SGIP1: variants seen among roughly 807,000 people sequenced by gnomAD.
SGIP1 encodes the protein SH3-containing GRB2-like protein 3-interacting protein 1.
In SGIP1, 38 loss-of-function variants were observed where a neutral mutation model predicts 107.5. The ratio of observed to expected loss-of-function variants is 0.35; its 90% CI spans 0.27 to 0.46. SGIP1 has a LOEUF of 0.46. Ranked by LOEUF, SGIP1 falls within the 20% of genes least tolerant of loss-of-function variation. SGIP1 has a pLI of 1.00. For missense variants in SGIP1, 929 were observed against 1,019.5 expected, an observed-to-expected ratio of 0.91 and a Z score of 1.21; for synonymous variants, 365 against 366.1, an observed-to-expected ratio of 1.00 and a Z score of 0.03.
intron 1 of SGIP1, among the ~76,000 whole-genome samples, chr1:66,560,003 G>T (rs1383106730): frequency 2.6e-5 from 4 of 151,992 alleles, no homozygotes; most frequent in Admixed American, 2.6e-4. Flanking sequence ...TAGGTACTAA[G>T]TTGGCAAATT....
chr1:66,590,924 C>T (rs1213569989), intron 1 of SGIP1, among the ~76,000 whole-genome samples: 1 of 152,210 alleles, frequency 6.6e-6, no homozygotes, highest in Non-Finnish European at 1.5e-5. Context: ...CATTTTCTTT[C>T]TGTAGCCCAG....
intron 18 of SGIP1, among the ~76,000 whole-genome samples, chr1:66,702,684 C>T (rs1012237913): frequency 1.3e-5 from 2 of 152,154 alleles, no homozygotes; most frequent in African/African-American, 4.8e-5. Flanking sequence ...TACTTAGAAG[C>T]TTCTTGTATC....
chr1:66,684,672 G>GTGGCTT (rs2087759627), intron 15 of SGIP1, among the ~76,000 whole-genome samples: 3 of 152,164 alleles, frequency 2.0e-5, no homozygotes, highest in African/African-American at 7.2e-5. Flanking sequence ...GAGAGGACAG[G>GTGGCTT]TGGCTTTGGT....
intron 1 of SGIP1, among the ~76,000 whole-genome samples, chr1:66,573,205 T>C (rs535618628): frequency 6.6e-6 from 1 of 152,210 alleles, no homozygotes; most frequent in South Asian, 2.1e-4. Context: ...ATATGAATTA[T>C]TTCTTAATAA....
intron 18 of SGIP1, among the ~76,000 whole-genome samples, chr1:66,715,733 C>T (rs2093201233): frequency 6.6e-6 from 1 of 152,122 alleles, no homozygotes; most frequent in Non-Finnish European, 1.5e-5. Flanking sequence ...TGATGATCAA[C>T]TAAAACCTCC....
At chr1:66,700,361 A>C (rs77868560) in intron 18 of SGIP1, among the ~76,000 whole-genome samples, 2 of 119,508 alleles carry the variant, frequency 1.7e-5, no homozygotes, top group Middle Eastern at 5.3e-3. Flanking sequence ...ACAGGGTGAG[A>C]CTCCATCTCA....
chr1:66,635,983 G>A lies in SGIP1; in HGVS notation c.139G>A (p.Glu47Lys). The A allele has an allele frequency of 6.2e-7, 1 of 1,613,908 alleles. No individual in the cohort carries two copies. The highest frequency in any genetic ancestry group is 1.3e-5 in the African/African-American group (1 of 75,040). ...PHEPPYNSKA[E>K]CAREGGKKVS... Reference sequence around the variant, plus strand: ...CGAACCACCCTACAATAGCAAAGCAGAGTGTGCGCGTGAAGGAGGAAAAAA... The same window carrying A: ...CGAACCACCCTACAATAGCAAAGCAAAGTGTGCGCGTGAAGGAGGAAAAAA... The change falls in exon 4 of 25, where the codon GAG (glutamate) becomes AAG (lysine). Residue 47 changes from glutamate (E) to lysine (K), a missense_variant. By Grantham distance (56) the Glu-to-Lys change is moderately conservative. Around this residue, in one of 2 missense-constraint regions of SGIP1, gnomAD observed 588 missense variants for 588.6 expected, o/e 1.00. Transcript: ENST00000371037.
chr1:66,614,633 T>C (rs982432742), intron 1 of SGIP1, among the ~76,000 whole-genome samples: 8 of 152,126 alleles, frequency 5.3e-5, no homozygotes, highest in Non-Finnish European at 8.8e-5. Flanking sequence ...TTAAACCATT[T>C]ATATCCCTTT....
chr1:66,708,525 T>A (rs1485621018), intron 18 of SGIP1, among the ~76,000 whole-genome samples: 2 of 152,202 alleles, frequency 1.3e-5, no homozygotes, highest in Non-Finnish European at 2.9e-5. Flanking sequence ...GACTTTGTCT[T>A]CTGTCTTATG....
intron 1 of SGIP1, among the ~76,000 whole-genome samples, chr1:66,562,119 T>A (rs1347257487): frequency 6.6e-6 from 1 of 151,938 alleles, no homozygotes; most frequent in African/African-American, 2.4e-5. Flanking sequence ...CTGGCTTTCA[T>A]TCACTGACAT....
intron 18 of SGIP1, among the ~76,000 whole-genome samples, chr1:66,718,446 A>G (rs150609508): frequency 6.6e-6 from 1 of 152,224 alleles, no homozygotes; most frequent in East Asian, 1.9e-4. Context: ...TTATAGGGAG[A>G]TAAACCTAGG....
intron 1 of SGIP1, among the ~76,000 whole-genome samples, chr1:66,564,785 T>C (rs1380923313): frequency 1.3e-5 from 2 of 151,824 alleles, no homozygotes; most frequent in Non-Finnish European, 2.9e-5. Context: ...GCTTTTAGGG[T>C]AGTTACTTCA....
intron 9 of SGIP1, among the ~76,000 whole-genome samples, chr1:66,667,975 G>A (rs1396795566): frequency 6.6e-6 from 1 of 152,144 alleles, no homozygotes; most frequent in African/African-American, 2.4e-5. Context: ...TTCAAAATAT[G>A]TTCCTGGACC....
At chr1:66,742,597 G>A (rs2094491232) in intron 24 of SGIP1, among the ~76,000 whole-genome samples, 1 of 149,160 alleles carries the variant, frequency 6.7e-6, no homozygotes, top group African/African-American at 2.5e-5. Flanking sequence ...AGCCTCCTGA[G>A]TAGCTGGGAC....
chr1:66,642,973 G>C (rs1257384414), intron 6 of SGIP1, 109 bp downstream of exon 6: 1 of 929,370 alleles, frequency 1.1e-6, no homozygotes, highest in African/African-American at 1.7e-5. Flanking sequence ...CACAAGTCCT[G>C]TTATCCCTAA....
chr1:66,705,574 A>G (rs759087181), intron 18 of SGIP1, among the ~76,000 whole-genome samples: 7 of 152,092 alleles, frequency 4.6e-5, no homozygotes, highest in African/African-American at 1.7e-4. Flanking sequence ...CCCATTTGCT[A>G]TGAAACTAGC....
At chr1:66,719,163 G>C in intron 18 of SGIP1, 131 bp from the exon 19 acceptor site, 2 of 560,552 alleles carry the variant, frequency 3.6e-6, no homozygotes, top group Non-Finnish European at 6.4e-6. Context: ...ACAGAGTTAC[G>C]GTTCTTAGCA....
intron 20 of SGIP1, among the ~76,000 whole-genome samples, chr1:66,729,949 C>T (rs140450674): frequency 0.04 from 6,102 of 152,118 alleles, 202 homozygotes; most frequent in Admixed American, 0.098. Context: ...TTACAGGCGC[C>T]CACCACCACA....
At chr1:66,649,632 A>T (rs2078343172) in intron 7 of SGIP1, among the ~76,000 whole-genome samples, 1 of 152,188 alleles carries the variant, frequency 6.6e-6, no homozygotes, top group Non-Finnish European at 1.5e-5. Context: ...ATATCATACA[A>T]GAAAAGGCTT....
Sources: gnomAD v4.1 joint callset for allele counts (sites outside exome capture counted in the v4.1 genomes callset) on GRCh38, gnomAD v4.1.1 for gene constraint, gnomAD v4.1.1 regional missense constraint, MANE v1.5 for transcripts, NCBI Gene and HGNC (gene_info 2026-07-23, HGNC 2026-07-21) for gene names.